The following GABRA2 variants were observed in gnomAD, a reference collection of about 807,000 sequenced individuals.
GABRA2 encodes gamma-aminobutyric acid type A receptor subunit alpha2, also known as gamma-aminobutyric acid receptor subunit alpha-2.
In GABRA2, 16 loss-of-function variants were observed where a neutral mutation model predicts 48.7. The ratio of observed to expected loss-of-function variants is 0.33; its 90% CI spans 0.22 to 0.50. The LOEUF (loss-of-function observed/expected upper bound fraction) is 0.50. Ranked by LOEUF, GABRA2 falls within the 20% of genes least tolerant of loss-of-function variation. The pLI is 0.98. For synonymous variants in GABRA2, 185 were observed against 184.5 expected, an observed-to-expected ratio of 1.00 and a Z score of -0.02; for missense variants, 275 against 535.6, an observed-to-expected ratio of 0.51 and a Z score of 4.80.
chr4:46,382,833 G>C (rs902107922), intron 3 of GABRA2, among the ~76,000 whole-genome samples: 3 of 152,044 alleles, frequency 2.0e-5, no homozygotes, highest in Non-Finnish European at 4.4e-5. Flanking sequence ...TTCAAAACTG[G>C]TTCCTCTTTT....
At chr4:46,354,583 C>G (rs760514876) in intron 3 of GABRA2, among the ~76,000 whole-genome samples, 12 of 152,128 alleles carry the variant, frequency 7.9e-5, no homozygotes, top group Non-Finnish European at 1.8e-4. Context: ...CTAAGTGTCT[C>G]TAATGATTGA....
At position 46,294,429 on chromosome 4, in the gene GABRA2, G is replaced by T. The variant is rs1287233250; in HGVS notation, c.856+9031C>A. The stretch of plus-strand genomic sequence containing the variant: ...AACCAAGAAAGAGGCACATTGCTCA[G>T]TGGACCTATTTAGATTTTGGAGACA... On this transcript the variant is annotated intron_variant, in intron 8 of 9. Coordinates refer to ENST00000381620, the MANE Select transcript of GABRA2 (RefSeq NM_000807.4). 3.3e-5 allele frequency among the ~76,000 whole-genome samples: 5 copies of T among 152,214 alleles called. No homozygotes were observed. In the East Asian group the frequency reaches 5.8e-4, roughly 18 times the overall value.
At chr4:46,380,009 C>T (rs1716543921) in intron 3 of GABRA2, among the ~76,000 whole-genome samples, 1 of 152,154 alleles carries the variant, frequency 6.6e-6, no homozygotes, top group Admixed American at 6.5e-5. Flanking sequence ...ATGATGTGAT[C>T]AAGCATCAGG....
At chr4:46,388,346 T>C (rs1036026500) in intron 2 of GABRA2, among the ~76,000 whole-genome samples, 1 of 152,230 alleles carries the variant, frequency 6.6e-6, no homozygotes, top group African/African-American at 2.4e-5. Context: ...TATAAGTGCC[T>C]ATAATTAATC....
intron 4 of GABRA2, among the ~76,000 whole-genome samples, chr4:46,326,547 A>G (rs549493083): frequency 1.3e-5 from 2 of 151,294 alleles, no homozygotes; most frequent in African/African-American, 4.9e-5. Context: ...AGAAAATGGA[A>G]CCACCCTTCA....
intron 3 of GABRA2, among the ~76,000 whole-genome samples, chr4:46,344,503 G>A (rs143649922): frequency 2.0e-5 from 3 of 152,068 alleles, no homozygotes; most frequent in Admixed American, 6.6e-5. Flanking sequence ...TAGCAAAAGG[G>A]CAAGGTGGAG....
chr4:46,326,241 C>T (rs1178537851), intron 4 of GABRA2, among the ~76,000 whole-genome samples: 1 of 151,864 alleles, frequency 6.6e-6, no homozygotes, highest in Non-Finnish European at 1.5e-5. Flanking sequence ...GTACTAAGTT[C>T]CTACAACCCT....
intron 3 of GABRA2, among the ~76,000 whole-genome samples, chr4:46,379,990 A>G (rs962404891): frequency 6.6e-6 from 1 of 152,172 alleles, no homozygotes; most frequent in Non-Finnish European, 1.5e-5. Context: ...CATAATCATA[A>G]AGATAAGTAT....
chr4:46,267,889 T>C lies in GABRA2; in HGVS notation c.857-5761A>G, dbSNP rs553501066. ...CCAAGATGTCATTGTAGATTTCAGA[T>C]TTTTCAGATTATGGATGCTGTTTCA... is the stretch of plus-strand genomic sequence containing the variant. On this transcript the variant is annotated intron_variant, in intron 8 of 9. Coordinates refer to ENST00000381620, the MANE Select transcript of GABRA2 (RefSeq NM_000807.4). Among the ~76,000 whole-genome samples, 12 of 152,092 alleles carry C rather than the reference T, an allele frequency of 7.9e-5. No homozygotes were observed. The South Asian group carries it at 2.5e-3, about 32-fold the overall frequency.
intron 3 of GABRA2, among the ~76,000 whole-genome samples, chr4:46,337,508 C>T (rs1732461141): frequency 6.6e-6 from 1 of 151,918 alleles, no homozygotes; most frequent in South Asian, 2.1e-4. Flanking sequence ...AGGAGATTCA[C>T]TGAAAGACTT....
intron 6 of GABRA2, among the ~76,000 whole-genome samples, chr4:46,308,564 G>T (rs1727100023): frequency 6.6e-6 from 1 of 152,094 alleles, no homozygotes; most frequent in Non-Finnish European, 1.5e-5. Context: ...TACAGGCAAA[G>T]ACAATAAAAT....
intron 8 of GABRA2, among the ~76,000 whole-genome samples, chr4:46,293,285 G>T (rs1724014590): frequency 6.6e-6 from 1 of 152,172 alleles, no homozygotes. Flanking sequence ...CCCCTTGAAT[G>T]AAGGGGGGTC....
At chr4:46,250,729 G>T (rs1027362877) in intron 9 of GABRA2, 125 bp from the exon 10 acceptor site, 1 of 653,528 alleles carries the variant, frequency 1.5e-6, no homozygotes, top group East Asian at 2.8e-5. Flanking sequence ...GCAAAAAACA[G>T]AAATTAGGAA....
chr4:46,361,798 C>T (rs562793421), intron 3 of GABRA2, among the ~76,000 whole-genome samples: 1 of 152,348 alleles, frequency 6.6e-6, no homozygotes, highest in African/African-American at 2.4e-5. Flanking sequence ...GGTAGCCCAC[C>T]TCTTGCATCA....
chr4:46,263,325 A>T (rs1717432928), intron 8 of GABRA2, among the ~76,000 whole-genome samples: 1 of 152,008 alleles, frequency 6.6e-6, no homozygotes, highest in South Asian at 2.1e-4. Flanking sequence ...GGTCATGAAG[A>T]ATTAGCCCTA....
At chr4:46,369,467 A>G (rs1714552480) in intron 3 of GABRA2, among the ~76,000 whole-genome samples, 1 of 152,132 alleles carries the variant, frequency 6.6e-6, no homozygotes, top group South Asian at 2.1e-4. Context: ...AGAGAATTTG[A>G]AAAATTATTT....
intron 9 of GABRA2, among the ~76,000 whole-genome samples, chr4:46,258,208 A>C (rs1302806019): frequency 1.3e-5 from 2 of 151,822 alleles, no homozygotes; most frequent in Admixed American, 1.3e-4. Context: ...CTGAGCACCT[A>C]ATACATGTAA....
At chr4:46,279,373 C>A (rs1721084027) in intron 8 of GABRA2, among the ~76,000 whole-genome samples, 1 of 152,126 alleles carries the variant, frequency 6.6e-6, no homozygotes, top group Non-Finnish European at 1.5e-5. Flanking sequence ...GTATCTATTA[C>A]CTCTGTACAA....
chr4:46,328,287 TGTGTGTGTGC>T lies in GABRA2; in HGVS notation c.255+4318_255+4327del, dbSNP rs929660798. On this transcript the variant is annotated intron_variant, in intron 4 of 9. Transcript: ENST00000381620. Reference sequence around the variant, plus strand: ...AGATAGCAGAGTGTGTGTGTGTGTGTGTGTGTGTGCGCACACGCATGTGTGTGTGTGTTTG... The same window carrying T: ...AGATAGCAGAGTGTGTGTGTGTGTGTGCACACGCATGTGTGTGTGTGTTTG... Among the ~76,000 whole-genome samples the T allele has an allele frequency of 2.8e-4, 34 of 123,040 alleles. No individual in the cohort carries two copies. In the Middle Eastern group the frequency reaches 0.016, roughly 57 times the overall value. 80.7% of individuals were successfully genotyped at this position (123,040 alleles called of 152,430 possible).
Sources: gnomAD v4.1 joint callset for allele counts (sites outside exome capture counted in the v4.1 genomes callset) on GRCh38, gnomAD v4.1.1 for gene constraint, MANE v1.5 for transcripts, NCBI Gene and HGNC (gene_info 2026-07-23, HGNC 2026-07-21) for gene names.